The following RASA2 variants were observed in gnomAD, a reference collection of about 807,000 sequenced individuals.
RASA2 encodes ras GTPase-activating protein 2.
A neutral mutation model predicts 118.2 loss-of-function variants in RASA2; 155 were observed. That is an observed-to-expected ratio of 1.31 (90% CI 1.15 to 1.50). The LOEUF is 1.50. RASA2 is among the 40% of genes most tolerant of loss of function. The pLI is 0.00. For synonymous variants in RASA2, 353 were observed against 349.1 expected, an observed-to-expected ratio of 1.01 and a Z score of -0.12; for missense variants, 1,016 against 1,009.6, an observed-to-expected ratio of 1.01 and a Z score of -0.09.
chr3:141,539,056 T>C (rs73869656), intron 4 of RASA2, among the ~76,000 whole-genome samples: 2,004 of 152,314 alleles, frequency 0.013, 33 homozygotes, highest in African/African-American at 0.046. Flanking sequence ...TGCCGTTGGC[T>C]TGGCTCCCTT....
At chr3:141,533,028 C>G (rs992883486) in intron 4 of RASA2, among the ~76,000 whole-genome samples, 1 of 152,020 alleles carries the variant, frequency 6.6e-6, no homozygotes, top group Non-Finnish European at 1.5e-5. Flanking sequence ...CCATTGTATT[C>G]TTTTTGTATG....
intron 4 of RASA2, among the ~76,000 whole-genome samples, chr3:141,539,094 C>T (rs1016182070): frequency 4.6e-5 from 7 of 152,130 alleles, no homozygotes; most frequent in Non-Finnish European, 7.4e-5. Flanking sequence ...TACATGCTGT[C>T]ACAACAGAAA....
intron 1 of RASA2, among the ~76,000 whole-genome samples, chr3:141,502,660 A>G (rs1001527847): frequency 2.0e-5 from 3 of 152,202 alleles, no homozygotes; most frequent in Non-Finnish European, 2.9e-5. Context: ...GATTAAGTAA[A>G]ATAATATATA....
intron 1 of RASA2, among the ~76,000 whole-genome samples, chr3:141,506,446 A>T (rs750269067): frequency 6.6e-6 from 1 of 152,250 alleles, no homozygotes; most frequent in Non-Finnish European, 1.5e-5. Flanking sequence ...AAATGCAAGT[A>T]AAAACCATTT....
chr3:141,570,660 C>T (rs1214755237), intron 9 of RASA2, among the ~76,000 whole-genome samples: 2 of 152,096 alleles, frequency 1.3e-5, no homozygotes, highest in Non-Finnish European at 2.9e-5. Flanking sequence ...TTGTTCAACT[C>T]CTTTGAGATC....
In RASA2 at chr3:141,571,603, A is replaced by T. The variant is rs150714336; in HGVS notation, c.1169+49A>T. 7.1e-6 allele frequency: 11 copies of T among 1,540,436 alleles called. No homozygotes were observed. In the Admixed American group the frequency reaches 1.9e-4, roughly 27 times the overall value. ...GTTAATTACATGTTGTTGAAATTGG[A>T]CCTTAGTTTGACAGATTGATTTTGT... On this transcript the variant is annotated intron_variant, in intron 11 of 23. Transcript: ENST00000286364.
chr3:141,591,122 A>G (rs1467965982), intron 19 of RASA2, among the ~76,000 whole-genome samples: 1 of 152,216 alleles, frequency 6.6e-6, no homozygotes, highest in Non-Finnish European at 1.5e-5. Flanking sequence ...AGATCAAACT[A>G]GTTATTGATG....
chr3:141,507,202 C>G (rs1286833332), intron 1 of RASA2, among the ~76,000 whole-genome samples: 1 of 152,058 alleles, frequency 6.6e-6, no homozygotes, highest in African/African-American at 2.4e-5. Context: ...ATGTTTGATC[C>G]AGATAGCCAC....
intron 19 of RASA2, among the ~76,000 whole-genome samples, chr3:141,597,010 G>A (rs1467271304): frequency 2.0e-5 from 3 of 152,304 alleles, no homozygotes; most frequent in Non-Finnish European, 4.4e-5. Context: ...GTTCAGAGCA[G>A]CGTTATTCAC....
At position 141,531,466 on chromosome 3, in the gene RASA2, A is replaced by T. The variant is rs373887960; in HGVS notation, c.450+1664A>T. On this transcript the variant is annotated intron_variant, in intron 4 of 23. Transcript: ENST00000286364. The stretch of plus-strand genomic sequence containing the variant: ...TATGTGTATATATGCATATGTGTGT[A>T]TATATATGCATATATATGTATATAT... 1.8e-4 allele frequency among the ~76,000 whole-genome samples: 28 copies of T among 151,576 alleles called. No homozygotes were observed. The East Asian group carries it at 4.8e-3, about 26-fold the overall frequency.
chr3:141,593,220 T>C (rs1487390668), intron 19 of RASA2, among the ~76,000 whole-genome samples: 3 of 152,140 alleles, frequency 2.0e-5, no homozygotes, highest in Non-Finnish European at 4.4e-5. Context: ...GCTAATTTTG[T>C]ATTTTTAGTA....
chr3:141,514,201 C>T (rs1454077900), intron 2 of RASA2, among the ~76,000 whole-genome samples: 2 of 152,018 alleles, frequency 1.3e-5, no homozygotes, highest in African/African-American at 2.4e-5. Flanking sequence ...AAACAAAAAC[C>T]CTGATAACTC....
At chr3:141,577,412 G>A (rs1448624752) in intron 15 of RASA2, among the ~76,000 whole-genome samples, 1 of 151,770 alleles carries the variant, frequency 6.6e-6, no homozygotes, top group Non-Finnish European at 1.5e-5. Flanking sequence ...ATTTCCATAA[G>A]TTTTTTTTCA....
At chr3:141,531,996 G>A (rs1178829750) in intron 4 of RASA2, among the ~76,000 whole-genome samples, 7 of 151,882 alleles carry the variant, frequency 4.6e-5, no homozygotes, top group African/African-American at 9.7e-5. Context: ...CAATTAATAG[G>A]GAAATAGGTG....
At chr3:141,512,074 T>G in intron 1 of RASA2, 89 bp from the exon 2 acceptor site, 1 of 829,354 alleles carries the variant, frequency 1.2e-6, no homozygotes, top group Non-Finnish European at 1.9e-6. Flanking sequence ...CACATTAATA[T>G]GTTCTTTCAG....
At chr3:141,544,910 C>CGT (rs2082461534) in intron 5 of RASA2, among the ~76,000 whole-genome samples, 1 of 152,116 alleles carries the variant, frequency 6.6e-6, no homozygotes, top group South Asian at 2.1e-4. Flanking sequence ...AAATACTGCA[C>CGT]GTGCTCACTT....
intron 5 of RASA2, among the ~76,000 whole-genome samples, chr3:141,551,641 G>T (rs1408261543): frequency 6.6e-6 from 1 of 152,080 alleles, no homozygotes; most frequent in African/African-American, 2.4e-5. Context: ...GCAGTTGGAG[G>T]GCTCACCTGT....
At chr3:141,558,175 A>T (rs969437807) in intron 7 of RASA2, among the ~76,000 whole-genome samples, 2 of 152,246 alleles carry the variant, frequency 1.3e-5, no homozygotes, top group African/African-American at 4.8e-5. Context: ...TAATAAATCT[A>T]GCCCTGTCCG....
At chr3:141,525,336 G>A (rs2082170335) in intron 3 of RASA2, 1 of 151,862 alleles carries the variant, frequency 6.6e-6, no homozygotes, top group South Asian at 2.1e-4. Context: ...TAAGAGTTGG[G>A]GGTCTCACTG....
Sources: allele counts gnomAD v4.1 joint callset (sites outside exome capture counted in the v4.1 genomes callset), GRCh38; gene constraint gnomAD v4.1.1; transcripts MANE v1.5; gene names NCBI Gene and HGNC (gene_info 2026-07-23, HGNC 2026-07-21).